CDH13: variants seen among roughly 807,000 people sequenced by gnomAD.
The protein encoded by CDH13 is cadherin-13.
Under a neutral mutation model 63.8 loss-of-function variants are expected in CDH13, and 24 were observed. The ratio of observed to expected loss-of-function variants is 0.38; its 90% confidence interval spans 0.27 to 0.53. CDH13 has a LOEUF of 0.53. Ranked by LOEUF, CDH13 falls within the 20% of genes least tolerant of loss-of-function variation. The pLI, the probability that CDH13 is intolerant of heterozygous loss-of-function variation, is 0.85. For missense variants in CDH13, 1,049 were observed against 903.1 expected, an observed-to-expected ratio of 1.16 and a Z score of -2.07; for synonymous variants, 503 against 355.3, an observed-to-expected ratio of 1.42 and a Z score of -4.67.
At chr16:83,339,543 G>A (rs1279168999) in intron 5 of CDH13, among the ~76,000 whole-genome samples, 1 of 152,094 alleles carries the variant, frequency 6.6e-6, no homozygotes, top group African/African-American at 2.4e-5. Flanking sequence ...TCACCATGGT[G>A]GGCTCTTATT....
At chr16:83,648,893 C>G (rs1391099345) in intron 8 of CDH13, among the ~76,000 whole-genome samples, 1 of 151,920 alleles carries the variant, frequency 6.6e-6, no homozygotes, top group African/African-American at 2.4e-5. Context: ...GTAGCTGTGT[C>G]TTTTCCTGCC....
Position 83,332,941 on chromosome 16 carries a change from T to C in CDH13, c.637-11921T>C, listed in dbSNP as rs2090509491. Among the ~76,000 whole-genome samples the C allele has an allele frequency of 2.0e-5, 3 of 152,180 alleles. No homozygotes were observed. The South Asian group carries it at 6.2e-4, about 32-fold the overall frequency. On this transcript the variant is annotated intron_variant, in intron 5 of 13. Transcript: ENST00000567109. The stretch of plus-strand genomic sequence containing the variant: ...AAAAATTTTAAAGTAAAATTTCAAA[T>C]TCATAAAGGAAATACTGTACCTCTA...
At chr16:83,290,454 G>A (rs1028885410) in intron 5 of CDH13, among the ~76,000 whole-genome samples, 1 of 152,100 alleles carries the variant, frequency 6.6e-6, no homozygotes, top group African/African-American at 2.4e-5. Context: ...TTTATAAGGG[G>A]AGTTCTTCTG....
At chr16:83,476,089 C>G (rs534280108) in intron 6 of CDH13, among the ~76,000 whole-genome samples, 4 of 152,298 alleles carry the variant, frequency 2.6e-5, no homozygotes, top group South Asian at 2.1e-4. Flanking sequence ...AAAAACTCAT[C>G]TTTTATTTAT....
At chr16:83,697,845 C>G (rs1905617664) in intron 10 of CDH13, among the ~76,000 whole-genome samples, 1 of 152,212 alleles carries the variant, frequency 6.6e-6, no homozygotes, top group Non-Finnish European at 1.5e-5. Flanking sequence ...TGGAGTTTCA[C>G]CATGTTGGCC....
intron 1 of CDH13, among the ~76,000 whole-genome samples, chr16:82,749,865 G>A (rs1023576088): frequency 6.6e-6 from 1 of 151,892 alleles, no homozygotes; most frequent in Non-Finnish European, 1.5e-5. Flanking sequence ...CCTATTGGAG[G>A]TGTCAGTGAT....
At chr16:83,048,234 G>A (rs1356878767) in intron 3 of CDH13, among the ~76,000 whole-genome samples, 2 of 152,146 alleles carry the variant, frequency 1.3e-5, no homozygotes, top group Non-Finnish European at 2.9e-5. Context: ...TATTCCCATT[G>A]TACAATAGCC....
chr16:83,653,826 T>A (rs1039094491), intron 8 of CDH13, among the ~76,000 whole-genome samples: 1 of 152,178 alleles, frequency 6.6e-6, no homozygotes, highest in East Asian at 1.9e-4. Flanking sequence ...AGAAGGGGCC[T>A]CCTATGGTTT....
intron 11 of CDH13, among the ~76,000 whole-genome samples, chr16:83,758,955 A>G (rs148591526): frequency 2.6e-5 from 4 of 152,348 alleles, no homozygotes; most frequent in East Asian, 3.9e-4. Flanking sequence ...TGAAATGACA[A>G]TTCTTTTCAA....
At chr16:83,238,732 A>G (rs1359927769) in intron 5 of CDH13, among the ~76,000 whole-genome samples, 2 of 103,666 alleles carry the variant, frequency 1.9e-5, no homozygotes, top group African/African-American at 3.2e-5. Flanking sequence ...GTACCTCCAT[A>G]TGTGTTTTTT....
chr16:82,801,156 A>G (rs184234422), intron 1 of CDH13, among the ~76,000 whole-genome samples: 276 of 152,246 alleles, frequency 1.8e-3, no homozygotes, highest in African/African-American at 6.5e-3. Flanking sequence ...TTGGCTTCCT[A>G]ACCTCTCAGA....
At chr16:83,444,505 T>A (rs777575484) in intron 6 of CDH13, among the ~76,000 whole-genome samples, 68 of 152,194 alleles carry the variant, frequency 4.5e-4, no homozygotes, top group Non-Finnish European at 9.3e-4. Context: ...GGTTGAGTAA[T>A]GTGCTCAAGG....
intron 7 of CDH13, among the ~76,000 whole-genome samples, chr16:83,551,357 G>A (rs1320791686): frequency 7.3e-5 from 10 of 136,638 alleles, no homozygotes; most frequent in East Asian, 6.2e-4. Flanking sequence ...ATGAGTCACC[G>A]CCCCTGGCTT....
At chr16:83,329,089 C>G (rs148087562) in intron 5 of CDH13, among the ~76,000 whole-genome samples, 1 of 152,286 alleles carries the variant, frequency 6.6e-6, no homozygotes, top group Non-Finnish European at 1.5e-5. Context: ...AATCTCTGGG[C>G]CACTGTATCA....
chr16:82,638,817 A>AGTGTGTGTGTGTGT (rs779050661), intron 1 of CDH13, among the ~76,000 whole-genome samples: 2 of 52,488 alleles, frequency 3.8e-5, no homozygotes, highest in Admixed American at 1.8e-4. Context: ...TTATTAGGGC[A>AGTGTGTGTGTGTGT]GTGTGTGCGT....
chr16:82,961,461 T>C (rs1906973594), intron 2 of CDH13, among the ~76,000 whole-genome samples: 1 of 151,878 alleles, frequency 6.6e-6, no homozygotes, highest in South Asian at 2.1e-4. Flanking sequence ...CCCCAGATGA[T>C]TTGTGAAAGA....
At chr16:83,552,391 C>T (rs911164343) in intron 7 of CDH13, among the ~76,000 whole-genome samples, 1 of 152,202 alleles carries the variant, frequency 6.6e-6, no homozygotes, top group East Asian at 1.9e-4. Flanking sequence ...ACTCCTGTAA[C>T]TGTCAGTTCC....
intron 5 of CDH13, among the ~76,000 whole-genome samples, chr16:83,291,605 C>T (rs1026853639): frequency 1.3e-5 from 2 of 152,000 alleles, no homozygotes; most frequent in African/African-American, 4.8e-5. Flanking sequence ...AGATTTATTT[C>T]CACAGAGACC....
intron 10 of CDH13, among the ~76,000 whole-genome samples, chr16:83,727,417 A>G (rs939344137): frequency 6.6e-6 from 1 of 151,780 alleles, no homozygotes; most frequent in African/African-American, 2.4e-5. Flanking sequence ...GAAACGTTGG[A>G]AGAATTTTAT....
Sources: gnomAD v4.1 joint callset for allele counts (sites outside exome capture counted in the v4.1 genomes callset) on GRCh38, gnomAD v4.1.1 for gene constraint, MANE v1.5 for transcripts, NCBI Gene and HGNC (gene_info 2026-07-23, HGNC 2026-07-21) for gene names.